The following RBMS1 variants were observed in gnomAD, a reference collection of about 807,000 sequenced individuals.
RBMS1 encodes the protein RNA binding motif single stranded interacting protein 1, also known as RNA-binding motif, single-stranded-interacting protein 1.
In RBMS1, 17 loss-of-function variants were observed where a neutral mutation model predicts 62.3. The ratio of observed to expected loss-of-function variants is 0.27; its 90% CI spans 0.19 to 0.41. The LOEUF (loss-of-function observed/expected upper bound fraction) is 0.41, where lower values mean the gene tolerates loss of function less well. Ranked by LOEUF, RBMS1 falls within the 10% of genes least tolerant of loss-of-function variation. The pLI is 1.00. For synonymous variants in RBMS1, 172 were observed against 170.0 expected, an observed-to-expected ratio of 1.01 and a Z score of -0.09; for missense variants, 334 against 504.5, an observed-to-expected ratio of 0.66 and a Z score of 3.24.
intron 1 of RBMS1, among the ~76,000 whole-genome samples, chr2:160,410,049 C>G (rs187893915): frequency 6.6e-6 from 1 of 151,476 alleles, no homozygotes; most frequent in Non-Finnish European, 1.5e-5. Context: ...GGTGAAACCC[C>G]GTCTCTACTA....
intron 1 of RBMS1, among the ~76,000 whole-genome samples, chr2:160,401,584 C>T (rs2105232530): frequency 6.6e-6 from 1 of 152,070 alleles, no homozygotes; most frequent in East Asian, 1.9e-4. Flanking sequence ...TACAGATGTC[C>T]AAGGACAAAA....
chr2:160,295,895 C>A (rs1236114077), intron 6 of RBMS1, among the ~76,000 whole-genome samples: 4 of 152,188 alleles, frequency 2.6e-5, no homozygotes, highest in Non-Finnish European at 5.9e-5. Context: ...AGATGTTTTT[C>A]CTTCTCAAAC....
chr2:160,390,213 G>T (rs1478218390), intron 1 of RBMS1, among the ~76,000 whole-genome samples: 1 of 152,042 alleles, frequency 6.6e-6, no homozygotes, highest in Non-Finnish European at 1.5e-5. Flanking sequence ...CATCAGAATT[G>T]TTCTAATGTA....
chr2:160,360,701 G>A (rs568236323), intron 2 of RBMS1, among the ~76,000 whole-genome samples: 1 of 152,258 alleles, frequency 6.6e-6, no homozygotes, highest in Non-Finnish European at 1.5e-5. Flanking sequence ...CACCCTTCAT[G>A]AAATTTTTGT....
At position 160,383,346 on chromosome 2, in the gene RBMS1, T is replaced by C. The variant is rs371834359; in HGVS notation, c.76-15955A>G. On this transcript the variant is annotated intron_variant, in intron 1 of 13. Coordinates refer to ENST00000348849, the MANE Select transcript of RBMS1 (RefSeq NM_016836.4). ...TTCTTGAAAGGACACCAGTCAATGG[T>C]CACTGGTCATCTCAAGATCCTTAAT... Among the ~76,000 whole-genome samples, 20 of 151,374 alleles carry C rather than the reference T, an allele frequency of 1.3e-4. No homozygotes were observed. In the East Asian group the frequency reaches 2.6e-3, roughly 19 times the overall value.
At chr2:160,302,264 G>A (rs1268437978) in intron 5 of RBMS1, among the ~76,000 whole-genome samples, 1 of 151,588 alleles carries the variant, frequency 6.6e-6, no homozygotes, top group African/African-American at 2.4e-5. Context: ...GCATGATCAA[G>A]GCTCACTGTA....
chr2:160,313,009 G>T, intron 4 of RBMS1, 147 bp downstream of exon 4: 1 of 591,696 alleles, frequency 1.7e-6, no homozygotes, highest in Non-Finnish European at 3.0e-6. Context: ...GACTGTGGAG[G>T]CTGCGGAGGC....
intron 1 of RBMS1, among the ~76,000 whole-genome samples, chr2:160,379,766 C>T (rs10929982): frequency 0.76 from 116,335 of 152,162 alleles, 45,189 homozygotes; most frequent in East Asian, 0.86. Flanking sequence ...GTTGCTAAAG[C>T]TAATCATAAA....
intron 1 of RBMS1, among the ~76,000 whole-genome samples, chr2:160,452,782 G>C (rs568521489): frequency 2.0e-5 from 3 of 152,158 alleles, no homozygotes; most frequent in Non-Finnish European, 4.4e-5. Flanking sequence ...TGCTCTCACA[G>C]GGCTTACAGT....
At chr2:160,439,782 C>T (rs182495228) in intron 1 of RBMS1, among the ~76,000 whole-genome samples, 4 of 152,226 alleles carry the variant, frequency 2.6e-5, no homozygotes, top group Non-Finnish European at 4.4e-5. Flanking sequence ...ACTGAGTGAA[C>T]GAGACTCCGT....
chr2:160,451,149 C>G (rs538964672), intron 1 of RBMS1, among the ~76,000 whole-genome samples: 8 of 126,432 alleles, frequency 6.3e-5, no homozygotes, highest in African/African-American at 2.2e-4. Flanking sequence ...AGAGCAAGAC[C>G]ATGCTTCAGA....
chr2:160,493,145 G>T, intron 1 of RBMS1, 144 bp downstream of exon 1: 1 of 800,048 alleles, frequency 1.2e-6, no homozygotes, highest in South Asian at 1.8e-5. Flanking sequence ...GCTCTGCCCA[G>T]GCCAGCGCTA....
intron 2 of RBMS1, among the ~76,000 whole-genome samples, chr2:160,322,118 T>C (rs1690593822): frequency 6.6e-6 from 1 of 152,238 alleles, no homozygotes; most frequent in East Asian, 1.9e-4. Flanking sequence ...TTTGCATGTA[T>C]GCTTTTATTT....
At chr2:160,470,574 T>C (rs1387766280) in intron 1 of RBMS1, among the ~76,000 whole-genome samples, 1 of 152,208 alleles carries the variant, frequency 6.6e-6, no homozygotes, top group South Asian at 2.1e-4. Flanking sequence ...CCTACAGCTA[T>C]GCAAGATGGA....
intron 1 of RBMS1, among the ~76,000 whole-genome samples, chr2:160,478,326 G>A (rs1309206951): frequency 6.6e-6 from 1 of 152,198 alleles, no homozygotes; most frequent in African/African-American, 2.4e-5. Context: ...AAAACAGTGA[G>A]AAATAAACAA....
chr2:160,352,339 T>C (rs1476844614), intron 2 of RBMS1, among the ~76,000 whole-genome samples: 2 of 152,100 alleles, frequency 1.3e-5, no homozygotes, highest in African/African-American at 2.4e-5. Context: ...TTTCTGATAA[T>C]ATTGCTGCAT....
At chr2:160,339,643 A>C (rs1573891252) in intron 2 of RBMS1, among the ~76,000 whole-genome samples, 1 of 152,296 alleles carries the variant, frequency 6.6e-6, no homozygotes, top group South Asian at 2.1e-4. Flanking sequence ...AATATAGTCT[A>C]TATCTTCCCC....
chr2:160,346,368 C>T (rs1692174677), intron 2 of RBMS1, among the ~76,000 whole-genome samples: 1 of 152,234 alleles, frequency 6.6e-6, no homozygotes, highest in East Asian at 1.9e-4. Flanking sequence ...CCTGGGCATT[C>T]TTTCAGAAGA....
chr2:160,325,425 T>C (rs1283862259), intron 2 of RBMS1, among the ~76,000 whole-genome samples: 1 of 152,082 alleles, frequency 6.6e-6, no homozygotes, highest in African/African-American at 2.4e-5. Flanking sequence ...TTGAGGGAAA[T>C]GAATTTGAGG....
Sources: allele counts gnomAD v4.1 joint callset (sites outside exome capture counted in the v4.1 genomes callset), GRCh38; gene constraint gnomAD v4.1.1; transcripts MANE v1.5; gene names NCBI Gene and HGNC (gene_info 2026-07-23, HGNC 2026-07-21).